SPMIP3: variants seen among roughly 807,000 people sequenced by gnomAD.
The protein encoded by SPMIP3 is protein SPMIP3.
At chr1:244,384,160 C>T in the SPMIP3 span, among the ~76,000 whole-genome samples, 49 of 152,222 alleles carry the variant, frequency 3.2e-4, 1 homozygote, top group East Asian at 8.5e-3. Flanking sequence ...CAGCATGGGG[C>T]GAAGATTGAA....
chr1:244,375,462 T>C, the SPMIP3 span: 6 of 1,613,058 alleles, frequency 3.7e-6, no homozygotes, highest in Non-Finnish European at 5.1e-6. Context: ...CAAAGAGAGC[T>C]CCCAGGTGAG....
At chr1:244,374,300 C>T in the SPMIP3 span, among the ~76,000 whole-genome samples, 1 of 151,988 alleles carries the variant, frequency 6.6e-6, no homozygotes, top group East Asian at 1.9e-4. Flanking sequence ...CATGTTAGCT[C>T]AATGATGCTC....
chr1:244,376,362 C>T, the SPMIP3 span: 2 of 152,318 alleles, frequency 1.3e-5, no homozygotes, highest in South Asian at 2.1e-4. Flanking sequence ...GATGAGTTCA[C>T]AGCGATATAC....
chr1:244,373,330 A>ATT, the SPMIP3 span, among the ~76,000 whole-genome samples: 5 of 111,300 alleles, frequency 4.5e-5, no homozygotes, highest in South Asian at 5.0e-4. Flanking sequence ...TACAAAAAAA[A>ATT]ATTATATATA....
the SPMIP3 span, among the ~76,000 whole-genome samples, chr1:244,383,290 C>A: frequency 6.6e-6 from 1 of 152,040 alleles, no homozygotes; most frequent in East Asian, 1.9e-4. Context: ...GGTGGGAGGA[C>A]AGCTTGAGGA....
At chr1:244,364,714 G>C in the SPMIP3 span, 9 of 1,613,716 alleles carry the variant, frequency 5.6e-6, no homozygotes, top group Admixed American at 1.7e-5. Flanking sequence ...ACTGCCATCC[G>C]ACTACGAGAA....
chr1:244,353,086 T>TA, the SPMIP3 span, among the ~76,000 whole-genome samples: 16 of 152,244 alleles, frequency 1.1e-4, no homozygotes, highest in Admixed American at 1.0e-3. Context: ...ATTGATTTAT[T>TA]CACTCATTCT....
At chr1:244,366,631 G>C in the SPMIP3 span, among the ~76,000 whole-genome samples, 1 of 152,162 alleles carries the variant, frequency 6.6e-6, no homozygotes, top group East Asian at 1.9e-4. Flanking sequence ...TGTAATCCCA[G>C]CACTTTGGGA....
the SPMIP3 span, among the ~76,000 whole-genome samples, chr1:244,377,326 G>T: frequency 5.6e-3 from 852 of 151,726 alleles, 13 homozygotes; most frequent in African/African-American, 0.02. Flanking sequence ...GGGTTTCACC[G>T]TGTTAGCCAG....
the SPMIP3 span, among the ~76,000 whole-genome samples, chr1:244,387,600 T>C: frequency 6.6e-6 from 1 of 152,214 alleles, no homozygotes; most frequent in Non-Finnish European, 1.5e-5. Context: ...AATGTACTTG[T>C]CACTCTGTTG....
chr1:244,375,558 C>A, the SPMIP3 span: 2 of 850,424 alleles, frequency 2.4e-6, no homozygotes, highest in Non-Finnish European at 1.9e-6. Flanking sequence ...CACTACTCCT[C>A]ATAATACTGA....
chr1:244,364,635 G>T, the SPMIP3 span: 1 of 1,448,528 alleles, frequency 6.9e-7, no homozygotes. Flanking sequence ...TCTCACCCAT[G>T]GAATTATGTA....
At chr1:244,372,723 G>A in the SPMIP3 span, among the ~76,000 whole-genome samples, 4 of 152,144 alleles carry the variant, frequency 2.6e-5, no homozygotes, top group Non-Finnish European at 4.4e-5. Context: ...GATTACAGGC[G>A]CGAGCCCAGC....
the SPMIP3 span, chr1:244,375,441 T>G: frequency 5.6e-6 from 9 of 1,614,006 alleles, no homozygotes; most frequent in Non-Finnish European, 7.6e-6. Context: ...GACTCCATTT[T>G]GATCATAGTG....
At chr1:244,354,587 C>A in the SPMIP3 span, among the ~76,000 whole-genome samples, 1 of 152,198 alleles carries the variant, frequency 6.6e-6, no homozygotes, top group Non-Finnish European at 1.5e-5. Flanking sequence ...TCTCGAACTC[C>A]TGACCTCAAG....
the SPMIP3 span, among the ~76,000 whole-genome samples, chr1:244,374,348 G>C: frequency 6.6e-6 from 1 of 151,884 alleles, no homozygotes; most frequent in Non-Finnish European, 1.5e-5. Context: ...GACAGGGCTC[G>C]AGTCCCCCTC....
At chr1:244,374,611 T>G in the SPMIP3 span, among the ~76,000 whole-genome samples, 7 of 144,956 alleles carry the variant, frequency 4.8e-5, no homozygotes. Context: ...TTTTTTTTTT[T>G]TTTGAGACAG....
At chr1:244,365,672 A>G in the SPMIP3 span, among the ~76,000 whole-genome samples, 1 of 152,190 alleles carries the variant, frequency 6.6e-6, no homozygotes, top group African/African-American at 2.4e-5. Context: ...TAGCCTCCAC[A>G]TTGGGTTTAG....
the SPMIP3 span, among the ~76,000 whole-genome samples, chr1:244,387,696 G>A: frequency 6.6e-6 from 1 of 152,166 alleles, no homozygotes; most frequent in Non-Finnish European, 1.5e-5. Context: ...TTGTGTGGAG[G>A]TTGGATTACA....
Sources: allele counts gnomAD v4.1 joint callset (sites outside exome capture counted in the v4.1 genomes callset), GRCh38; gene constraint gnomAD v4.1.1; transcripts MANE v1.5; gene names NCBI Gene and HGNC (gene_info 2026-07-23, HGNC 2026-07-21).